The following DMD variants were observed in gnomAD, a reference collection of about 807,000 sequenced individuals.
The protein encoded by DMD is mutant dystrophin.
In DMD, 63 loss-of-function variants were observed where a neutral mutation model predicts 330.1. That is an observed-to-expected ratio of 0.19 (90% CI 0.16 to 0.24). DMD has a LOEUF of 0.24. DMD is among the 10% of genes least tolerant of loss of function. The pLI is 1.00. For synonymous variants in DMD, 1,223 were observed against 959.8 expected, an observed-to-expected ratio of 1.27 and a Z score of -5.07; for missense variants, 3,344 against 2,684.1, an observed-to-expected ratio of 1.25 and a Z score of -5.43.
At chrX:31,122,865 A>AAGAT (rs1343355191) in intron 78 of DMD, among the ~76,000 whole-genome samples, 4 of 111,931 alleles carry the variant, frequency 3.6e-5, no homozygotes, top group African/African-American at 1.3e-4. Context: ...GATTTAGAGT[A>AAGAT]AGATAATCTG....
intron 29 of DMD, among the ~76,000 whole-genome samples, chrX:32,416,334 G>A (rs764494041): frequency 1.2e-4 from 13 of 111,843 alleles, no homozygotes; most frequent in Non-Finnish European, 2.4e-4. Context: ...AAGAATGTGG[G>A]TGCACTGTTT....
At chrX:32,388,552 AAT>A (rs2097977053) in intron 32 of DMD, among the ~76,000 whole-genome samples, 1 of 109,754 alleles carries the variant, frequency 9.1e-6, no homozygotes, top group South Asian at 3.8e-4. Flanking sequence ...TTCACACATA[AAT>A]ATATGTATTT....
intron 44 of DMD, among the ~76,000 whole-genome samples, chrX:32,044,411 T>A (rs1023428212): frequency 9.8e-6 from 1 of 101,903 alleles, no homozygotes; most frequent in Non-Finnish European, 2.0e-5. Context: ...CGTTATTATT[T>A]ATTTATTTAT....
rs186879877 is a variant in DMD at position 31,742,559 on chromosome X, A to C, written c.7543-12811T>G. ...GCCAGAACACACAAAACATTGATTG[A>C]TTAAGTTTGCCATCTTATGAAAATA... On this transcript the variant is annotated intron_variant, in intron 51 of 78. Transcript: ENST00000357033. 3.1e-3 allele frequency among the ~76,000 whole-genome samples: 349 copies of C among 111,844 alleles called. 5 individuals are homozygous for C. The highest frequency in any genetic ancestry group is 0.011 in the African/African-American group (326 of 30,773).
intron 1 of DMD, among the ~76,000 whole-genome samples, chrX:33,187,851 T>A (rs775409501): frequency 1.8e-5 from 2 of 111,899 alleles, no homozygotes; most frequent in Non-Finnish European, 3.8e-5. Context: ...TATATATGTA[T>A]AATTACGTAT....
At chrX:32,265,906 G>T (rs1399957668) in intron 43 of DMD, among the ~76,000 whole-genome samples, 1 of 111,900 alleles carries the variant, frequency 8.9e-6, no homozygotes. Flanking sequence ...CCTTGTCTCA[G>T]ATGAGACTTT....
chrX:32,950,799 G>A (rs2091200298), intron 2 of DMD, among the ~76,000 whole-genome samples: 1 of 111,786 alleles, frequency 8.9e-6, no homozygotes, highest in African/African-American at 3.3e-5. Flanking sequence ...TAAAATCTCA[G>A]AGATACATTC....
intron 1 of DMD, among the ~76,000 whole-genome samples, chrX:33,312,664 T>C (rs751246765): frequency 4.5e-5 from 5 of 111,759 alleles, no homozygotes; most frequent in Admixed American, 3.8e-4. Flanking sequence ...CCAGGAGAAA[T>C]ACAATGATAG....
chrX:32,464,175 A>T (rs1397315781), intron 24 of DMD, among the ~76,000 whole-genome samples: 1 of 111,943 alleles, frequency 8.9e-6, no homozygotes, highest in African/African-American at 3.2e-5. Context: ...AGAAATAACA[A>T]GTAGCTCAAA....
intron 1 of DMD, among the ~76,000 whole-genome samples, chrX:33,287,586 C>T (rs1012997561): frequency 9.0e-6 from 1 of 111,177 alleles, no homozygotes. Context: ...AATTATGATA[C>T]CCATACTAGC....
chrX:31,915,242 A>ATT (rs2094594987), intron 47 of DMD, among the ~76,000 whole-genome samples: 1 of 47,447 alleles, frequency 2.1e-5, no homozygotes, highest in Non-Finnish European at 3.7e-5. Flanking sequence ...TGTTCTCTTG[A>ATT]TGATAAGAAA....
chrX:31,129,008 A>G (rs1199641452), intron 77 of DMD, among the ~76,000 whole-genome samples: 1 of 111,181 alleles, frequency 9.0e-6, no homozygotes. Context: ...GAGTTTCTGT[A>G]GACCTTCAGT....
At chrX:32,334,044 C>A (rs1313992972) in intron 41 of DMD, among the ~76,000 whole-genome samples, 1 of 111,488 alleles carries the variant, frequency 9.0e-6, no homozygotes, top group Non-Finnish European at 1.9e-5. Context: ...AGCTGATACT[C>A]GCTGAACATG....
chrX:33,107,004 AG>A (rs1048443014), intron 1 of DMD, among the ~76,000 whole-genome samples: 6 of 111,796 alleles, frequency 5.4e-5, no homozygotes, highest in Non-Finnish European at 9.4e-5. Flanking sequence ...CGTATAAAAG[AG>A]AAAGCTTTCG....
chrX:32,378,903 CAT>C (rs2097914303), intron 34 of DMD, among the ~76,000 whole-genome samples: 1 of 110,420 alleles, frequency 9.1e-6, no homozygotes, highest in South Asian at 3.8e-4. Context: ...CACGGGGTTT[CAT>C]ATATGAGAGT....
rs181050811 is a variant in DMD at position 32,761,493 on chromosome X, G to T, written c.649+48000C>A. Among the ~76,000 whole-genome samples the T allele has an allele frequency of 2.7e-5, 3 of 112,152 alleles. No homozygotes were observed. The East Asian group carries it at 8.5e-4, about 32-fold the overall frequency. On this transcript the variant is annotated intron_variant, in intron 7 of 78. Transcript: ENST00000357033. ...TAACTTATACACACACATACACAATGATGATGATGATTATCTTTAAATGTG... is the reference window on the plus strand; with the variant it reads ...TAACTTATACACACACATACACAATTATGATGATGATTATCTTTAAATGTG...
chrX:33,018,558 C>T (rs756147030), intron 2 of DMD, among the ~76,000 whole-genome samples: 17 of 111,319 alleles, frequency 1.5e-4, no homozygotes, highest in South Asian at 1.1e-3. Flanking sequence ...TTTCAACTTG[C>T]GGGAATGAGG....
rs749615177 is a variant in DMD, at chrX:33,245,243, T to G, written c.7+94016A>C. 9.3e-5 allele frequency among the ~76,000 whole-genome samples: 10 copies of G among 107,570 alleles called. No homozygotes were observed. In the East Asian group the frequency reaches 2.6e-3, roughly 28 times the overall value. The allele number at this position is 107,570 out of a possible 115,157, so 93.4% of individuals were successfully genotyped here. ...GTTTATTATACATTGTACTGATAGT[T>G]AAAGTAACTGTTAATGGCTATTTTT... On this transcript the variant is annotated intron_variant, in intron 1 of 17. Transcript: ENST00000288447.
At chrX:31,593,913 A>T (rs925415789) in intron 55 of DMD, among the ~76,000 whole-genome samples, 29 of 111,692 alleles carry the variant, frequency 2.6e-4, no homozygotes, top group African/African-American at 9.1e-4. Context: ...CAATATTTAT[A>T]TTATCAACAT....
Sources: allele counts gnomAD v4.1 joint callset (sites outside exome capture counted in the v4.1 genomes callset), GRCh38; gene constraint gnomAD v4.1.1; transcripts MANE v1.5; gene names NCBI Gene and HGNC (gene_info 2026-07-23, HGNC 2026-07-21).